Variants in KIAA1217 observed in about 807,000 individuals in gnomAD.
The protein encoded by KIAA1217 is KIAA1217.
A neutral mutation model predicts 163.9 loss-of-function variants in KIAA1217; 88 were observed. The ratio of observed to expected loss-of-function variants is 0.54; its 90% confidence interval spans 0.45 to 0.64. The LOEUF (loss-of-function observed/expected upper bound fraction) is 0.64, where lower values mean the gene tolerates loss of function less well. Among genes scored for constraint, KIAA1217 ranks in the 30% least tolerant of loss-of-function variants. KIAA1217 has a pLI of 0.00. For synonymous variants in KIAA1217, 903 were observed against 923.1 expected, an observed-to-expected ratio of 0.98 and a Z score of 0.39; for missense variants, 2,372 against 2,475.0, an observed-to-expected ratio of 0.96 and a Z score of 0.88.
chr10:23,722,746 G>A (rs1027166419), intron 1 of KIAA1217, among the ~76,000 whole-genome samples: 3 of 152,100 alleles, frequency 2.0e-5, no homozygotes, highest in African/African-American at 7.2e-5. Context: ...CTTGTTCCAG[G>A]TCATATAGTG....
chr10:24,041,625 G>A (rs1848637588), intron 2 of KIAA1217, among the ~76,000 whole-genome samples: 1 of 152,110 alleles, frequency 6.6e-6, no homozygotes, highest in Non-Finnish European at 1.5e-5. Flanking sequence ...GCCCAAAGAG[G>A]TTGGAAATTA....
chr10:23,912,193 A>G (rs1842461729), intron 1 of KIAA1217, among the ~76,000 whole-genome samples: 2 of 152,142 alleles, frequency 1.3e-5, no homozygotes, highest in African/African-American at 2.4e-5. Context: ...TTTCCAGTGG[A>G]TTAGGCCTCC....
intron 3 of KIAA1217, among the ~76,000 whole-genome samples, chr10:24,407,374 G>A (rs2057336771): frequency 6.6e-6 from 1 of 152,024 alleles, no homozygotes; most frequent in Non-Finnish European, 1.5e-5. Flanking sequence ...GCTCACTGAA[G>A]CTTCAAAATC....
intron 3 of KIAA1217, among the ~76,000 whole-genome samples, chr10:24,393,580 G>A (rs2130873662): frequency 6.6e-6 from 1 of 152,334 alleles, no homozygotes; most frequent in South Asian, 2.1e-4. Flanking sequence ...ATATGTTGAA[G>A]TCCTAACTCC....
intron 2 of KIAA1217, among the ~76,000 whole-genome samples, chr10:24,059,778 C>A (rs1384570207): frequency 6.6e-6 from 1 of 152,142 alleles, no homozygotes; most frequent in African/African-American, 2.4e-5. Context: ...GGGGTTTCAC[C>A]ATGGTCTCGA....
At chr10:24,460,512 T>G (rs1464174041) in intron 5 of KIAA1217, among the ~76,000 whole-genome samples, 1 of 152,170 alleles carries the variant, frequency 6.6e-6, no homozygotes, top group Non-Finnish European at 1.5e-5. Flanking sequence ...CTGGCAGATC[T>G]GTGAATTACT....
chr10:24,034,899 G>T (rs1848330334), intron 2 of KIAA1217, among the ~76,000 whole-genome samples: 1 of 152,212 alleles, frequency 6.6e-6, no homozygotes, highest in South Asian at 2.1e-4. Context: ...CGACGCTCAT[G>T]CACACATCCT....
chr10:24,194,069 C>T (rs2066862140), intron 2 of KIAA1217, among the ~76,000 whole-genome samples: 1 of 151,932 alleles, frequency 6.6e-6, no homozygotes, highest in Non-Finnish European at 1.5e-5. Context: ...CACCTGTAAT[C>T]CCAGCTACTC....
intron 1 of KIAA1217, among the ~76,000 whole-genome samples, chr10:23,906,944 G>A (rs1842186361): frequency 6.6e-6 from 1 of 151,966 alleles, no homozygotes; most frequent in South Asian, 2.1e-4. Flanking sequence ...ATTATAGAGG[G>A]AATATTTATA....
chr10:24,194,762 ATT>A (rs762968095), intron 2 of KIAA1217, among the ~76,000 whole-genome samples: 164 of 97,972 alleles, frequency 1.7e-3, no homozygotes, highest in African/African-American at 5.8e-3. Flanking sequence ...AGCCAATTAA[ATT>A]TTTTTTTTTT....
chr10:23,739,240 G>T (rs1838971477), intron 1 of KIAA1217, among the ~76,000 whole-genome samples: 1 of 152,116 alleles, frequency 6.6e-6, no homozygotes, highest in South Asian at 2.1e-4. Context: ...AGACATTGGA[G>T]ACTCGAAAGG....
intron 2 of KIAA1217, among the ~76,000 whole-genome samples, chr10:24,342,400 C>G (rs1322871164): frequency 2.0e-5 from 3 of 152,140 alleles, no homozygotes; most frequent in African/African-American, 7.2e-5. Context: ...ATACGTTAAG[C>G]TGTGCACACA....
chr10:23,837,962 T>C (rs1838570932), intron 1 of KIAA1217, among the ~76,000 whole-genome samples: 1 of 152,186 alleles, frequency 6.6e-6, no homozygotes, highest in African/African-American at 2.4e-5. Context: ...TTAGCCTGCA[T>C]GACCCATTCC....
chr10:24,494,451 T>C (rs2133780926), intron 6 of KIAA1217, 49 bp from the exon 7 acceptor site: 1 of 1,497,658 alleles, frequency 6.7e-7, no homozygotes. Context: ...CCGGACAAAC[T>C]GGTTTGAAAG....
intron 2 of KIAA1217, among the ~76,000 whole-genome samples, chr10:24,068,124 A>G (rs2061040242): frequency 6.6e-6 from 1 of 152,176 alleles, no homozygotes; most frequent in African/African-American, 2.4e-5. Context: ...GCTTCCGCTC[A>G]TGCATGGTGC....
intron 1 of KIAA1217, among the ~76,000 whole-genome samples, chr10:23,904,825 C>T (rs1842086243): frequency 6.6e-6 from 1 of 152,016 alleles, no homozygotes; most frequent in Non-Finnish European, 1.5e-5. Flanking sequence ...TTTCAAAGAG[C>T]TCTATGAGGG....
chr10:24,517,492 C>A (rs1010373937), intron 10 of KIAA1217, among the ~76,000 whole-genome samples: 8 of 152,130 alleles, frequency 5.3e-5, no homozygotes, highest in African/African-American at 1.7e-4. Context: ...TTAAAAAGAG[C>A]TTATTTTTTA....
chr10:24,251,400 C>CAAAAA (rs55668887), intron 2 of KIAA1217, among the ~76,000 whole-genome samples: 7 of 90,526 alleles, frequency 7.7e-5, no homozygotes, highest in African/African-American at 2.1e-4. Context: ...GACACTGTCT[C>CAAAAA]AAAAAAAAAA....
intron 2 of KIAA1217, among the ~76,000 whole-genome samples, chr10:24,340,692 A>G (rs1564502645): frequency 6.6e-6 from 1 of 152,174 alleles, no homozygotes; most frequent in African/African-American, 2.4e-5. Flanking sequence ...AGAGCAATTC[A>G]TTGTGAAGTT....
Sources: allele counts gnomAD v4.1 joint callset (sites outside exome capture counted in the v4.1 genomes callset), GRCh38; gene constraint gnomAD v4.1.1; transcripts MANE v1.5; gene names NCBI Gene and HGNC (gene_info 2026-07-23, HGNC 2026-07-21).